TESK2: variants seen among roughly 807,000 people sequenced by gnomAD.
TESK2 encodes dual specificity testis-specific protein kinase 2.
Under a neutral mutation model 57.1 loss-of-function variants are expected in TESK2, and 39 were observed. The observed-to-expected ratio is 0.68, with a 90% CI of 0.53 to 0.89. The LOEUF (loss-of-function observed/expected upper bound fraction) is 0.89, where lower values mean the gene tolerates loss of function less well. TESK2 is among the 40% of genes least tolerant of loss of function. TESK2 has a pLI of 0.00. For synonymous variants in TESK2, 249 were observed against 267.9 expected, an observed-to-expected ratio of 0.93 and a Z score of 0.69; for missense variants, 646 against 732.1, an observed-to-expected ratio of 0.88 and a Z score of 1.36.
chr1:45,445,754 C>T (rs999980246), intron 2 of TESK2, among the ~76,000 whole-genome samples: 1 of 151,964 alleles, frequency 6.6e-6, no homozygotes, highest in African/African-American at 2.4e-5. Flanking sequence ...ATGATCACAT[C>T]ACCACACTGC....
At position 45,427,234 on chromosome 1, in the gene TESK2, CAA is replaced by C. The variant is rs111269135; in HGVS notation, c.223-5390_223-5389del. Among the ~76,000 whole-genome samples the C allele has an allele frequency of 1.6e-3, 206 of 129,394 alleles. 1 individual carries two copies. Among genetic ancestry groups the C allele is most frequent in the East Asian group, 9.5e-3 (41 of 4,300 alleles). 84.9% of individuals were successfully genotyped at this position (129,394 alleles called of 152,430 possible). A position where few individuals can be genotyped will look rare whatever the true frequency, so the allele number is the denominator to read the frequency against. On this transcript the variant is annotated intron_variant, in intron 2 of 10. Transcript: ENST00000372086. ...CTTCAGCCTCAGCAAGACTCTGTCT[CAA>C]AAAAAAAAAAAAAAAAAAAAAAAGA...
chr1:45,466,724 T>C (rs1276848893), intron 1 of TESK2, among the ~76,000 whole-genome samples: 1 of 150,444 alleles, frequency 6.6e-6, no homozygotes, highest in Non-Finnish European at 1.5e-5. Flanking sequence ...ATGAATGCTA[T>C]GACATCTACA....
At chr1:45,398,912 C>A (rs1200937572) in intron 3 of TESK2, 6 of 426,322 alleles carry the variant, frequency 1.4e-5, no homozygotes, top group Non-Finnish European at 2.3e-5. Flanking sequence ...AGTGGAGGAA[C>A]CTGAGGCCCT....
chr1:45,350,923 A>C (rs1314894337), intron 5 of TESK2, among the ~76,000 whole-genome samples: 3 of 152,192 alleles, frequency 2.0e-5, no homozygotes, highest in Non-Finnish European at 4.4e-5. Flanking sequence ...CGTTGTTCCT[A>C]ATTCATGTTC....
At chr1:45,409,460 G>A (rs1048294300) in intron 3 of TESK2, among the ~76,000 whole-genome samples, 32 of 152,206 alleles carry the variant, frequency 2.1e-4, no homozygotes, top group Admixed American at 2.0e-3. Context: ...TCAGAGCCAC[G>A]TAGGCCAAAT....
At chr1:45,414,376 G>T (rs1650153906) in intron 3 of TESK2, among the ~76,000 whole-genome samples, 1 of 152,144 alleles carries the variant, frequency 6.6e-6, no homozygotes, top group African/African-American at 2.4e-5. Flanking sequence ...TATTATACTT[G>T]CAGTGTGACA....
intron 4 of TESK2, among the ~76,000 whole-genome samples, chr1:45,381,287 G>C (rs905462204): frequency 6.6e-6 from 1 of 152,060 alleles, no homozygotes. Flanking sequence ...CCAATTCTTC[G>C]CCTTCTACTG....
chr1:45,344,981 C>G lies in TESK2; in HGVS notation c.1575G>C (p.Gly525=). ...CSILQEENGF[G]SRPQGTSPCP... ...ATGGACTGGTCCCCTGGGGCCTGGA[C>G]CCAAAACCATTTTCTTCCTGGAGAA... Residue 525 remains glycine (G), a synonymous_variant, in exon 11 of 11, where the codon GGG becomes GGC. Coordinates refer to ENST00000372086, the MANE Select transcript of TESK2 (RefSeq NM_007170.3). 2 of 1,614,224 alleles carry G rather than the reference C, an allele frequency of 1.2e-6. No homozygotes were observed.
At chr1:45,452,758 A>AG (rs1651920327) in intron 2 of TESK2, among the ~76,000 whole-genome samples, 1 of 151,250 alleles carries the variant, frequency 6.6e-6, no homozygotes, top group Non-Finnish European at 1.5e-5. Context: ...CAAAAAAAGA[A>AG]GAAAAAAAAA....
intron 1 of TESK2, among the ~76,000 whole-genome samples, chr1:45,470,490 C>T (rs1189858334): frequency 6.6e-6 from 1 of 152,188 alleles, no homozygotes. Context: ...ACTGGCATCC[C>T]TTATCTAATT....
Position 45,489,876 on chromosome 1 carries a change from C to T in TESK2, c.-87+976G>A, listed in dbSNP as rs576305296. On this transcript the variant is annotated intron_variant, in intron 1 of 10. Coordinates refer to ENST00000372086, the MANE Select transcript of TESK2 (RefSeq NM_007170.3). ...CTTCTCTCAAAATTGCTTTTTTATG[C>T]TCCCTATTTCAGATGAGATCAGGAG... is the stretch of plus-strand genomic sequence containing the variant. Among the ~76,000 whole-genome samples the T allele has an allele frequency of 2.0e-5, 3 of 152,334 alleles. No individual in the cohort carries two copies. In the East Asian group the frequency reaches 5.8e-4, roughly 29 times the overall value.
intron 4 of TESK2, among the ~76,000 whole-genome samples, chr1:45,369,667 G>C (rs958854975): frequency 2.0e-5 from 3 of 151,990 alleles, no homozygotes; most frequent in Non-Finnish European, 4.4e-5. Flanking sequence ...AGGTTTTATG[G>C]GGAAATAAGC....
At chr1:45,452,830 T>C (rs1268238872) in intron 2 of TESK2, among the ~76,000 whole-genome samples, 2 of 151,156 alleles carry the variant, frequency 1.3e-5, no homozygotes, top group East Asian at 3.9e-4. Context: ...AGCAGGAGGA[T>C]CATTTGAGTC....
At chr1:45,432,623 G>A (rs1003564624) in intron 2 of TESK2, among the ~76,000 whole-genome samples, 2 of 150,300 alleles carry the variant, frequency 1.3e-5, no homozygotes, top group Non-Finnish European at 1.5e-5. Flanking sequence ...CTGGGGAGGC[G>A]GAGCTTGCAG....
At chr1:45,353,397 C>T (rs7544178) in intron 5 of TESK2, among the ~76,000 whole-genome samples, 40,785 of 152,114 alleles carry the variant, frequency 0.27, 5,771 homozygotes, top group Admixed American at 0.4. Flanking sequence ...CCTTCAGGAA[C>T]AGTGCAGCTG....
At chr1:45,484,955 C>T (rs1653396114) in intron 1 of TESK2, among the ~76,000 whole-genome samples, 1 of 151,430 alleles carries the variant, frequency 6.6e-6, no homozygotes, top group African/African-American at 2.4e-5. Flanking sequence ...GGCGTGAACC[C>T]GGGAGGCGGA....
At chr1:45,357,709 C>T (rs1342146090) in intron 4 of TESK2, among the ~76,000 whole-genome samples, 4 of 151,406 alleles carry the variant, frequency 2.6e-5, no homozygotes, top group African/African-American at 9.7e-5. Flanking sequence ...TGGCCAGGCA[C>T]GGTAGCTCCC....
chr1:45,393,339 G>C lies in TESK2; in HGVS notation c.345-7379C>G, dbSNP rs186120519. ...TCGTGTCACACAACTCTACTTCTAC[G>C]TGCAACTTTACTGCCTAACCTCTCC... On this transcript the variant is annotated intron_variant, in intron 3 of 10. Coordinates refer to ENST00000372086, the MANE Select transcript of TESK2 (RefSeq NM_007170.3). Among the ~76,000 whole-genome samples the C allele has an allele frequency of 3.4e-4, 52 of 152,184 alleles. No homozygotes were observed. In the East Asian group the frequency reaches 9.1e-3, roughly 27 times the overall value.
rs1553151620 is a variant in TESK2 at position 45,417,666 on chromosome 1, A to ACTGCAAGGTCTG, written c.344+4058_344+4059insCAGACCTTGCAG. On this transcript the variant is annotated intron_variant, in intron 3 of 10. Coordinates refer to ENST00000372086, the MANE Select transcript of TESK2 (RefSeq NM_007170.3). Reference sequence around the variant, plus strand: ...GAGTGCGGTGGCGCGATCTCGGCTCACTGCAAGCTCTGCCTCCAGGGTTCA... The same window carrying ACTGCAAGGTCTG: ...GAGTGCGGTGGCGCGATCTCGGCTCACTGCAAGGTCTGCTGCAAGCTCTGCCTCCAGGGTTCA... Among the ~76,000 whole-genome samples the ACTGCAAGGTCTG allele has an allele frequency of 2.7e-5, 4 of 150,862 alleles. No individual in the cohort carries two copies. In the East Asian group the frequency reaches 7.8e-4, roughly 29 times the overall value.
Sources: gnomAD v4.1 joint callset for allele counts (sites outside exome capture counted in the v4.1 genomes callset) on GRCh38, gnomAD v4.1.1 for gene constraint, MANE v1.5 for transcripts, NCBI Gene and HGNC (gene_info 2026-07-23, HGNC 2026-07-21) for gene names.